Variants in PRKG1 observed in about 807,000 individuals in gnomAD.
The protein encoded by PRKG1 is cGMP-dependent protein kinase 1.
Under a neutral mutation model 88.1 loss-of-function variants are expected in PRKG1, and 35 were observed. That is an observed-to-expected ratio of 0.40 (90% CI 0.30 to 0.53). The LOEUF (loss-of-function observed/expected upper bound fraction) is 0.53. PRKG1 is among the 20% of genes least tolerant of loss of function. The probability of loss-of-function intolerance (pLI) is 0.59; values close to 1 mark genes in which losing one functional copy is unlikely to be tolerated. For synonymous variants in PRKG1, 303 were observed against 292.5 expected (o/e 1.04, Z -0.37); for missense variants, 540 against 839.8 (o/e 0.64, Z 4.41).
intron 2 of PRKG1, among the ~76,000 whole-genome samples, chr10:51,392,902 G>C (rs28692177): frequency 1.6e-5 from 1 of 61,786 alleles, no homozygotes; most frequent in Non-Finnish European, 4.4e-5. Flanking sequence ...CTGGCCGGGT[G>C]GGGGGCTGAC....
intron 2 of PRKG1, among the ~76,000 whole-genome samples, chr10:51,220,577 TTATACCA>T (rs1274536719): frequency 6.6e-6 from 1 of 152,108 alleles, no homozygotes; most frequent in Non-Finnish European, 1.5e-5. Context: ...GCAATTACCA[TTATACCA>T]AGAGTATGGA....
chr10:52,062,966 A>C (rs945580887), intron 7 of PRKG1: 1 of 591,176 alleles, frequency 1.7e-6, no homozygotes, highest in Admixed American at 3.2e-5. Flanking sequence ...AGAATCATTA[A>C]GATAGTTGGT....
At position 50,991,892 on chromosome 10, in the gene PRKG1, T is replaced by G. The variant is rs1447115057; in HGVS notation, c.266+248T>G. On this transcript the variant is annotated intron_variant, in intron 1 of 17. Coordinates refer to the PRKG1 transcript ENST00000401604. This position sits in a 1 kb window ranked among gnomAD's most constrained non-coding sequence, Gnocchi z 4.5. ...CACGGGGAGACGCGCCCCTGTGGCG[T>G]GGGGGTGGGGAGGAGGACCGCGGAA... is the stretch of plus-strand genomic sequence containing the variant. Among the ~76,000 whole-genome samples the G allele has an allele frequency of 6.6e-6, 1 of 151,956 alleles. No individual in the cohort carries two copies. The highest frequency in any genetic ancestry group is 2.4e-5 in the African/African-American group (1 of 41,390).
intron 14 of PRKG1, 85 bp downstream of exon 14, chr10:52,282,401 T>C (rs1842020975): frequency 1.5e-6 from 2 of 1,290,724 alleles, no homozygotes; most frequent in East Asian, 2.4e-5. Context: ...GATTAGACCA[T>C]CTTAAAGTAC....
chr10:52,293,888 T>A lies in PRKG1; in HGVS notation c.2049T>A (p.Asp683Glu). 1.2e-6 allele frequency: 2 copies of A among 1,609,724 alleles called. No individual in the cohort carries two copies. Among genetic ancestry groups the A allele is most frequent in the South Asian group, 2.2e-5 (2 of 90,872 alleles). ...EPPPDDNSGW[D>E]IDF ...CACCTGATGACAACTCAGGATGGGA[T>A]ATAGACTTCTAATGTATTTCTCTTA... The change falls in exon 18 of 18, where the codon GAT (aspartate) becomes GAA (glutamate). Residue 683 changes from aspartate to glutamate, a missense_variant. This residue lies in a region of PRKG1 where 26 missense variants were observed against 18.4 expected (regional missense o/e 1.41). Transcript: ENST00000373980.
chr10:52,261,782 A>T (rs1384415762), intron 10 of PRKG1, among the ~76,000 whole-genome samples: 1 of 152,140 alleles, frequency 6.6e-6, no homozygotes, highest in Non-Finnish European at 1.5e-5. Context: ...ATCTCTGGTT[A>T]AGTTAATAAT....
intron 3 of PRKG1, among the ~76,000 whole-genome samples, chr10:51,718,789 G>T (rs1255661941): frequency 6.6e-6 from 1 of 151,568 alleles, no homozygotes; most frequent in African/African-American, 2.4e-5. Flanking sequence ...GGTAGTAGGG[G>T]CCAGGGGTGA....
chr10:51,146,402 T>A (rs1399989356), intron 1 of PRKG1, among the ~76,000 whole-genome samples: 1 of 150,740 alleles, frequency 6.6e-6, no homozygotes, highest in Non-Finnish European at 1.5e-5. Context: ...TTTATTCAGA[T>A]CACATGCCCA....
chr10:51,414,425 A>G (rs935346403), intron 2 of PRKG1, among the ~76,000 whole-genome samples: 8 of 152,188 alleles, frequency 5.3e-5, no homozygotes, highest in Non-Finnish European at 1.2e-4. Context: ...TACAGTTAAT[A>G]TTTCAGGCTT....
chr10:51,375,011 C>T (rs1029336861), intron 2 of PRKG1, among the ~76,000 whole-genome samples: 12 of 152,164 alleles, frequency 7.9e-5, no homozygotes, highest in African/African-American at 2.9e-4. Context: ...AGTCTGCCAG[C>T]AAGACAGCAG....
intron 4 of PRKG1, among the ~76,000 whole-genome samples, chr10:51,876,405 C>T (rs876130): frequency 4.6e-5 from 7 of 152,154 alleles, no homozygotes; most frequent in African/African-American, 1.4e-4. Flanking sequence ...AAAAGAAAAA[C>T]CCTTGCTGTC....
At position 52,085,353 on chromosome 10, in the gene PRKG1, C is replaced by A. The variant is rs921339509; in HGVS notation, c.935+22722C>A. On this transcript the variant is annotated intron_variant, in intron 7 of 17. Transcript: ENST00000373980. Reference sequence around the variant, plus strand: ...ACAATGACTGCAAAAGGACGATTTTCTAACTCATCTACTTTCACTGCTGGA... The same window carrying A: ...ACAATGACTGCAAAAGGACGATTTTATAACTCATCTACTTTCACTGCTGGA... Among the ~76,000 whole-genome samples the A allele has an allele frequency of 3.4e-5, 5 of 147,990 alleles. No individual in the cohort carries two copies. In the East Asian group the frequency reaches 8.5e-4, roughly 25 times the overall value.
At chr10:51,327,634 A>T (rs1841626454) in intron 2 of PRKG1, among the ~76,000 whole-genome samples, 1 of 152,196 alleles carries the variant, frequency 6.6e-6, no homozygotes, top group Non-Finnish European at 1.5e-5. Context: ...TGGATGCTAT[A>T]ACCTACTACA....
intron 2 of PRKG1, among the ~76,000 whole-genome samples, chr10:51,247,385 G>A (rs1246817484): frequency 6.6e-6 from 1 of 151,900 alleles, no homozygotes; most frequent in Non-Finnish European, 1.5e-5. Flanking sequence ...AGAAAATAAA[G>A]GAGATTAAAG....
At chr10:52,022,593 G>C (rs1845213732) in intron 5 of PRKG1, among the ~76,000 whole-genome samples, 1 of 151,952 alleles carries the variant, frequency 6.6e-6, no homozygotes, top group Admixed American at 6.6e-5. Context: ...GTACACATGG[G>C]AATAGGCAGA....
chr10:51,620,382 A>G (rs1839175464), intron 3 of PRKG1, among the ~76,000 whole-genome samples: 1 of 152,110 alleles, frequency 6.6e-6, no homozygotes, highest in Non-Finnish European at 1.5e-5. Context: ...TAGACACTAA[A>G]GATACCAAGT....
At chr10:51,311,822 A>G (rs1033495090) in intron 2 of PRKG1, among the ~76,000 whole-genome samples, 5 of 152,120 alleles carry the variant, frequency 3.3e-5, no homozygotes, top group African/African-American at 9.7e-5. Flanking sequence ...TAAACATACT[A>G]TGGAAAGGAG....
At chr10:51,340,187 A>T (rs777143594) in intron 2 of PRKG1, among the ~76,000 whole-genome samples, 45 of 152,102 alleles carry the variant, frequency 3.0e-4, no homozygotes, top group Admixed American at 7.9e-4. Context: ...TGTCAGGTTA[A>T]AGACATTTTT....
chr10:51,167,066 C>T (rs923065136), intron 2 of PRKG1, among the ~76,000 whole-genome samples: 1 of 152,132 alleles, frequency 6.6e-6, no homozygotes, highest in African/African-American at 2.4e-5. Flanking sequence ...TACACAGTGT[C>T]TCTTCTAGAG....
Sources: allele counts gnomAD v4.1 joint callset (sites outside exome capture counted in the v4.1 genomes callset), GRCh38; gene constraint gnomAD v4.1.1; regional missense constraint gnomAD v4.1.1; non-coding constraint Gnocchi (gnomAD v3.1); transcripts MANE v1.5; gene names NCBI Gene and HGNC (gene_info 2026-07-23, HGNC 2026-07-21).